RBM39: variants seen among roughly 807,000 people sequenced by gnomAD.
The protein encoded by RBM39 is RNA binding motif protein 39.
Under a neutral mutation model 79.6 loss-of-function variants are expected in RBM39, and 12 were observed. The ratio of observed to expected loss-of-function variants is 0.15; its 90% confidence interval spans 0.10 to 0.24. RBM39 has a LOEUF of 0.24. Among genes scored for constraint, RBM39 ranks in the 10% least tolerant of loss-of-function variants. The pLI is 1.00. For synonymous variants in RBM39, 185 were observed against 208.4 expected, an observed-to-expected ratio of 0.89 and a Z score of 0.97; for missense variants, 243 against 653.4, an observed-to-expected ratio of 0.37 and a Z score of 6.85.
intron 11 of RBM39, 143 bp downstream of exon 11, chr20:35,714,042 T>G (rs960866393): frequency 9.5e-6 from 7 of 734,824 alleles, no homozygotes; most frequent in Non-Finnish European, 1.5e-5. Context: ...ACATCATCTA[T>G]AAAATAATAT....
chr20:35,727,793 G>A (rs911603097), intron 6 of RBM39, among the ~76,000 whole-genome samples: 2 of 152,096 alleles, frequency 1.3e-5, no homozygotes, highest in Non-Finnish European at 2.9e-5. Context: ...GGGATGACAG[G>A]TGCACACCAC....
At chr20:35,720,707 GT>G in intron 9 of RBM39, among the ~76,000 whole-genome samples, 1 of 152,170 alleles carries the variant, frequency 6.6e-6, no homozygotes. Flanking sequence ...GAGAGGAGGA[GT>G]TTGCAGCGAG....
intron 9 of RBM39, among the ~76,000 whole-genome samples, chr20:35,717,356 G>C (rs540589578): frequency 2.7e-5 from 4 of 150,076 alleles, no homozygotes; most frequent in Admixed American, 2.7e-4. Context: ...CTGGGGAGCA[G>C]AGGGGAGAAA....
Position 35,734,840 on chromosome 20 carries a change from A to G in RBM39, c.102-2705T>C, listed in dbSNP as rs2039739005. 4 of 1,419,032 alleles carry G rather than the reference A, an allele frequency of 2.8e-6. 1 individual carries two copies. Among genetic ancestry groups the G allele is most frequent in the Non-Finnish European group, 3.7e-6 (4 of 1,085,676 alleles). The allele number at this position is 1,419,032 out of a possible 1,614,324, so 87.9% of individuals were successfully genotyped here. On this transcript the variant is annotated intron_variant, in intron 3 of 16. Transcript: ENST00000253363. ...TCCAGCTTCAAAGAGCATTTATTAC[A>G]TTAACTAAAGAAGGGTTATCGAAAT...
chr20:35,709,129 G>T, intron 13 of RBM39, 95 bp downstream of exon 13: 1 of 1,152,498 alleles, frequency 8.7e-7, no homozygotes, highest in African/African-American at 1.6e-5. Flanking sequence ...CCAAATTACT[G>T]GTATAAAAAT....
At chr20:35,733,995 C>T (rs549110900) in intron 3 of RBM39, among the ~76,000 whole-genome samples, 26 of 152,146 alleles carry the variant, frequency 1.7e-4, no homozygotes, top group Non-Finnish European at 2.6e-4. Context: ...GTTTATTCCA[C>T]GAAAATGTCT....
chr20:35,702,309 T>G lies in RBM39; in HGVS notation c.*2172A>C, dbSNP rs527745798. On this transcript the variant is annotated 3_prime_UTR_variant, in exon 17 of 17. Transcript: ENST00000253363. ...ATTTTCGAACCAGTGGGATGCTGACTCAGGAACTGATTGGACATAAACAGT... is the reference window on the plus strand; with the variant it reads ...ATTTTCGAACCAGTGGGATGCTGACGCAGGAACTGATTGGACATAAACAGT... 6.6e-6 allele frequency: 1 copy of G among 152,366 alleles called. No homozygotes were observed. Among genetic ancestry groups the G allele is most frequent in the East Asian group, 1.9e-4 (1 of 5,190 alleles). The allele number at this position is 152,366 out of a possible 1,614,324, so 9.4% of individuals were successfully genotyped here.
intron 2 of RBM39, chr20:35,740,115 C>G (rs1325118795): frequency 6.4e-6 from 1 of 156,806 alleles, no homozygotes; most frequent in Admixed American, 6.3e-5. Context: ...ATATGGAGAA[C>G]AGTAAAACAG....
intron 6 of RBM39, 111 bp from the exon 7 acceptor site, chr20:35,725,266 G>A: frequency 1.4e-6 from 1 of 701,348 alleles, no homozygotes; most frequent in Non-Finnish European, 2.3e-6. Context: ...GGTGGGTTTT[G>A]GTTACATAGA....
chr20:35,705,098 A>G, intron 15 of RBM39, 127 bp downstream of exon 15: 1 of 664,218 alleles, frequency 1.5e-6, no homozygotes. Context: ...TATTAAAGCT[A>G]CTTTCAGGCA....
chr20:35,734,848 A>T (rs1008403805), intron 3 of RBM39: 1 of 1,440,538 alleles, frequency 6.9e-7, no homozygotes, highest in Non-Finnish European at 9.1e-7. Flanking sequence ...ACATTAACTA[A>T]AGAAGGGTTA....
intron 3 of RBM39, among the ~76,000 whole-genome samples, chr20:35,738,205 T>C (rs1239876323): frequency 6.7e-6 from 1 of 149,122 alleles, no homozygotes; most frequent in Non-Finnish European, 1.5e-5. Context: ...GAGGCGGAGG[T>C]TGCAGTGAGC....
rs912115618 is a variant in RBM39, at chr20:35,716,820, C to G, written c.826-15G>C. On this transcript the variant is annotated splice_polypyrimidine_tract_variant and intron_variant, in intron 9 of 16. Transcript: ENST00000253363. ...ATACTTTCAATCTATAATTGAAAAG[C>G]ATAATTACTATAACTTAAAAGCAGA... 6.4e-7 allele frequency: 1 copy of G among 1,569,868 alleles called. No individual in the cohort carries two copies. Among genetic ancestry groups the G allele is most frequent in the Non-Finnish European group, 8.7e-7 (1 of 1,147,064 alleles).
intron 6 of RBM39, among the ~76,000 whole-genome samples, chr20:35,727,288 T>C (rs956732428): frequency 6.6e-6 from 1 of 151,662 alleles, no homozygotes; most frequent in South Asian, 2.1e-4. Context: ...CATTAGAAAC[T>C]GCAGTGAGAC....
At chr20:35,733,384 G>A (rs1460137305) in intron 3 of RBM39, among the ~76,000 whole-genome samples, 2 of 151,432 alleles carry the variant, frequency 1.3e-5, no homozygotes, top group Non-Finnish European at 1.5e-5. Context: ...GAGGAAGGCA[G>A]GTCACCTGAG....
At chr20:35,709,449 C>G (rs1177267908) in intron 12 of RBM39, 175 bp from the exon 13 acceptor site, 1 of 558,632 alleles carries the variant, frequency 1.8e-6, no homozygotes, top group Non-Finnish European at 3.1e-6. Context: ...TTTTTTCCCC[C>G]TCTTATCCTG....
intron 11 of RBM39, 34 bp downstream of exon 11, chr20:35,714,151 C>A (rs1600432767): frequency 6.3e-7 from 1 of 1,593,626 alleles, no homozygotes; most frequent in East Asian, 2.2e-5. Context: ...ACAATACCCA[C>A]AGTAAATCAT....
chr20:35,719,700 C>T (rs75309773), intron 9 of RBM39, among the ~76,000 whole-genome samples: 417 of 152,242 alleles, frequency 2.7e-3, no homozygotes, highest in African/African-American at 8.9e-3. Flanking sequence ...AATAGTTTGA[C>T]AAATCAGACT....
At chr20:35,714,088 A>G in intron 11 of RBM39, 97 bp downstream of exon 11, 1 of 1,242,416 alleles carries the variant, frequency 8.0e-7, no homozygotes, top group Non-Finnish European at 1.1e-6. Flanking sequence ...CTACAAAATA[A>G]GATAAAATCT....
Sources: allele counts gnomAD v4.1 joint callset (sites outside exome capture counted in the v4.1 genomes callset), GRCh38; gene constraint gnomAD v4.1.1; transcripts MANE v1.5; gene names NCBI Gene and HGNC (gene_info 2026-07-23, HGNC 2026-07-21).